Variants in SGCZ observed in about 807,000 individuals in gnomAD.
SGCZ encodes the protein sarcoglycan zeta.
Under a neutral mutation model 41.3 loss-of-function variants are expected in SGCZ, and 40 were observed. That is an observed-to-expected ratio of 0.97 (90% CI 0.75 to 1.26). The LOEUF is 1.26. Ranked by LOEUF, SGCZ falls within the 50% of genes most tolerant of loss-of-function variation. The pLI is 0.00. For synonymous variants in SGCZ, 206 were observed against 137.5 expected, an observed-to-expected ratio of 1.50 and a Z score of -3.49; for missense variants, 552 against 369.8, an observed-to-expected ratio of 1.49 and a Z score of -4.04.
intron 1 of SGCZ, among the ~76,000 whole-genome samples, chr8:14,909,511 T>C (rs1001160587): frequency 1.3e-5 from 2 of 152,198 alleles, no homozygotes. Context: ...GTCTGATTTA[T>C]CTGTGCTAAC....
chr8:14,623,191 A>C (rs1806341252), intron 1 of SGCZ, among the ~76,000 whole-genome samples: 1 of 152,234 alleles, frequency 6.6e-6, no homozygotes, highest in African/African-American at 2.4e-5. Context: ...CGAAATAACC[A>C]ATCAAGATGA....
chr8:14,258,536 A>G (rs371014277), intron 3 of SGCZ, among the ~76,000 whole-genome samples: 4 of 152,360 alleles, frequency 2.6e-5, no homozygotes, highest in African/African-American at 7.2e-5. Context: ...ATGAAGAAAT[A>G]TAACAGAAGA....
chr8:15,132,620 A>C (rs1807952915), intron 1 of SGCZ, among the ~76,000 whole-genome samples: 1 of 152,206 alleles, frequency 6.6e-6, no homozygotes, highest in Admixed American at 6.5e-5. Context: ...ACTTTGTAAC[A>C]GTGACTTTCT....
intron 4 of SGCZ, among the ~76,000 whole-genome samples, chr8:14,184,433 C>T (rs547084470): frequency 6.6e-6 from 1 of 152,130 alleles, no homozygotes; most frequent in South Asian, 2.1e-4. Context: ...TTGAAAAGTT[C>T]TTTATTAAAC....
rs557591369 is a variant in SGCZ at position 14,484,518 on chromosome 8, C to T, written c.234+70214G>A. 2.6e-5 allele frequency among the ~76,000 whole-genome samples: 4 copies of T among 152,126 alleles called. No homozygotes were observed. In the East Asian group the frequency reaches 5.8e-4, roughly 22 times the overall value. ...ATTGCTATCTTGGTTAGCAGTTTCC[C>T]GGTTTTTTTACACACATAGAACAAA... On this transcript the variant is annotated intron_variant, in intron 2 of 7. Transcript: ENST00000382080.
chr8:14,579,268 C>G (rs980655864), intron 1 of SGCZ, among the ~76,000 whole-genome samples: 4 of 152,200 alleles, frequency 2.6e-5, no homozygotes, highest in African/African-American at 9.6e-5. Context: ...TACAAAGGAA[C>G]AAGTGTGTTT....
intron 1 of SGCZ, among the ~76,000 whole-genome samples, chr8:14,976,310 AC>A (rs1262708249): frequency 1.3e-5 from 2 of 152,078 alleles, no homozygotes; most frequent in African/African-American, 4.8e-5. Context: ...GGTGTCAGCC[AC>A]CGCGCCTGTC....
intron 1 of SGCZ, among the ~76,000 whole-genome samples, chr8:14,878,540 C>T (rs865841583): frequency 1.1e-4 from 17 of 151,938 alleles, no homozygotes; most frequent in Middle Eastern, 3.2e-3. Flanking sequence ...GATGAGGTGG[C>T]CCATATACAA....
intron 3 of SGCZ, among the ~76,000 whole-genome samples, chr8:14,311,509 T>C (rs1801542864): frequency 6.6e-6 from 1 of 152,150 alleles, no homozygotes; most frequent in Non-Finnish European, 1.5e-5. Flanking sequence ...GCTAGATCTC[T>C]TCAAATCTTT....
At chr8:14,132,283 A>G (rs945964753) in intron 5 of SGCZ, among the ~76,000 whole-genome samples, 1 of 152,194 alleles carries the variant, frequency 6.6e-6, no homozygotes, top group Non-Finnish European at 1.5e-5. Context: ...GTTAAATACC[A>G]GCATTTCAGT....
At chr8:14,959,904 C>T (rs1330511641) in intron 1 of SGCZ, among the ~76,000 whole-genome samples, 3 of 152,120 alleles carry the variant, frequency 2.0e-5, no homozygotes, top group Admixed American at 6.6e-5. Flanking sequence ...TTCCAGCACG[C>T]GCTGAGGGAA....
intron 1 of SGCZ, among the ~76,000 whole-genome samples, chr8:15,197,296 A>C (rs1307250703): frequency 1.3e-5 from 2 of 152,188 alleles, no homozygotes; most frequent in African/African-American, 2.4e-5. Flanking sequence ...CGACATTAAC[A>C]ATTTCTTTTT....
intron 1 of SGCZ, among the ~76,000 whole-genome samples, chr8:15,003,478 A>G (rs372639581): frequency 6.6e-6 from 1 of 152,204 alleles, no homozygotes; most frequent in East Asian, 1.9e-4. Flanking sequence ...GGTGATTGAT[A>G]AAAAATTGAT....
chr8:14,328,056 C>T (rs1802186386), intron 2 of SGCZ, among the ~76,000 whole-genome samples: 1 of 152,176 alleles, frequency 6.6e-6, no homozygotes, highest in South Asian at 2.1e-4. Flanking sequence ...TTCTCCCTTT[C>T]TTTTTCCTGT....
intron 1 of SGCZ, among the ~76,000 whole-genome samples, chr8:14,849,176 G>T (rs182523703): frequency 7.3e-4 from 111 of 152,104 alleles, no homozygotes; most frequent in African/African-American, 2.5e-3. Context: ...TGCTTGTGTC[G>T]ACCAGTGTTA....
At chr8:14,307,663 T>C (rs1801391278) in intron 3 of SGCZ, among the ~76,000 whole-genome samples, 1 of 152,126 alleles carries the variant, frequency 6.6e-6, no homozygotes, top group Admixed American at 6.6e-5. Context: ...CACATAAAAT[T>C]TGTGATCTGT....
At chr8:14,457,726 C>T (rs1002882026) in intron 2 of SGCZ, among the ~76,000 whole-genome samples, 1 of 152,224 alleles carries the variant, frequency 6.6e-6, no homozygotes, top group Admixed American at 6.5e-5. Flanking sequence ...TCTGCCTCGG[C>T]TGCCAGGCAG....
At chr8:14,463,220 G>T (rs1224500417) in intron 2 of SGCZ, among the ~76,000 whole-genome samples, 2 of 150,776 alleles carry the variant, frequency 1.3e-5, no homozygotes, top group Non-Finnish European at 3.0e-5. Context: ...AATAATATTA[G>T]AATGGAATCT....
At chr8:14,135,872 T>C (rs1255542544) in intron 5 of SGCZ, among the ~76,000 whole-genome samples, 1 of 152,084 alleles carries the variant, frequency 6.6e-6, no homozygotes, top group Admixed American at 6.6e-5. Context: ...GCCAAAATAC[T>C]ATAGACCCTG....
Sources: allele counts gnomAD v4.1 joint callset (sites outside exome capture counted in the v4.1 genomes callset), GRCh38; gene constraint gnomAD v4.1.1; transcripts MANE v1.5; gene names NCBI Gene and HGNC (gene_info 2026-07-23, HGNC 2026-07-21).